The following TPGS1 variants were observed in gnomAD, a reference collection of about 807,000 sequenced individuals.
TPGS1 encodes the protein gene trap ROSA b-geo 22.
TPGS1 carries 18 observed loss-of-function variants against 11.9 expected under a neutral mutation model. That is an observed-to-expected ratio of 1.51 (90% CI 1.04 to 2.24). TPGS1 has a LOEUF of 2.24. TPGS1 is among the 30% of genes most tolerant of loss of function. The pLI, the probability that TPGS1 is intolerant of heterozygous loss-of-function variation, is 0.00. For missense variants in TPGS1, 500 were observed against 443.0 expected (o/e 1.13, Z -1.16); for synonymous variants, 247 against 218.2 (o/e 1.13, Z -1.16).
chr19:510,179 C>CT (rs1978744588), intron 1 of TPGS1: 1 of 152,060 alleles, frequency 6.6e-6, no homozygotes, highest in Admixed American at 6.6e-5. Flanking sequence ...CGAGACCATC[C>CT]TGGCTAACAC....
chr19:510,687 G>A (rs1353101242), intron 1 of TPGS1, among the ~76,000 whole-genome samples: 1 of 152,228 alleles, frequency 6.6e-6, no homozygotes. Context: ...GGGCAGAGCT[G>A]GGGTCAGAGA....
intron 1 of TPGS1, among the ~76,000 whole-genome samples, chr19:515,021 T>G (rs1359575356): frequency 6.6e-6 from 1 of 152,196 alleles, no homozygotes; most frequent in Non-Finnish European, 1.5e-5. Flanking sequence ...GCTGACAGCC[T>G]TCTTCTGTAA....
Position 507,744 on chromosome 19 carries a change from G to C in TPGS1, c.238G>C (p.Val80Leu). ...YFENMGLRSP[V>L]NGGAGEPPGQ... ...CGAGAACATGGGCCTGCGCTCGCCTGTAAACGGCGGCGCCGGGGAGCCCCC... is the reference window on the plus strand; with the variant it reads ...CGAGAACATGGGCCTGCGCTCGCCTCTAAACGGCGGCGCCGGGGAGCCCCC... The change falls in exon 1 of 2, where the codon GTA (valine) becomes CTA (leucine). Residue 80 changes from valine to leucine, a missense_variant. Val to Leu is a conservative substitution (Grantham distance 32). Transcript: ENST00000359315. The C allele has an allele frequency of 7.2e-7, 1 of 1,398,420 alleles. No individual in the cohort carries two copies. The highest frequency in any genetic ancestry group is 1.6e-5 in the South Asian group (1 of 63,550). The allele number at this position is 1,398,420 out of a possible 1,614,324, so 86.6% of individuals were successfully genotyped here. A position where few individuals can be genotyped will look rare whatever the true frequency, so the allele number is the denominator to read the frequency against.
At chr19:513,183 G>C (rs1366630280) in intron 1 of TPGS1, among the ~76,000 whole-genome samples, 1 of 152,238 alleles carries the variant, frequency 6.6e-6, no homozygotes, top group Non-Finnish European at 1.5e-5. Context: ...TGCGGCTCCT[G>C]CTGGGTCATG....
At chr19:513,665 T>A (rs74926915) in intron 1 of TPGS1, among the ~76,000 whole-genome samples, 1 of 36,774 alleles carries the variant, frequency 2.7e-5, no homozygotes, top group Non-Finnish European at 5.5e-5. Context: ...TACTGCATAC[T>A]GGCCCTGCAT....
intron 1 of TPGS1, among the ~76,000 whole-genome samples, chr19:518,467 G>C (rs1488068026): frequency 2.5e-5 from 3 of 118,456 alleles, no homozygotes; most frequent in East Asian, 2.6e-4. Flanking sequence ...CCAGGGCTGG[G>C]AGGGGGCTGA....
chr19:519,294 G>C lies in TPGS1; in HGVS notation c.744G>C (p.Gly248=), dbSNP rs914921803. 1.7e-6 allele frequency: 2 copies of C among 1,189,940 alleles called. No individual in the cohort carries two copies. The highest frequency in any genetic ancestry group is 2.1e-6 in the Non-Finnish European group (2 of 962,350). The allele number at this position is 1,189,940 out of a possible 1,614,324, so 73.7% of individuals were successfully genotyped here. Residue 248 remains glycine (G), a synonymous_variant, in exon 2 of 2, where the codon GGG becomes GGC. Coordinates refer to ENST00000359315, the MANE Select transcript of TPGS1 (RefSeq NM_033513.3). ...TCCTGGAGGCCGGCTCGCGCTTGGG[G>C]CCCGACAGCCTGGCGCTGGCGCTGG... ...ARFLEAGSRL[G]PDSLALALDR...
intron 1 of TPGS1, among the ~76,000 whole-genome samples, chr19:516,421 G>A (rs1247718238): frequency 6.9e-6 from 1 of 144,114 alleles, no homozygotes; most frequent in Non-Finnish European, 1.5e-5. Context: ...GTCTCGCTCT[G>A]TCGCCCAGGC....
At chr19:511,943 C>G (rs1357848824) in intron 1 of TPGS1, among the ~76,000 whole-genome samples, 1 of 152,170 alleles carries the variant, frequency 6.6e-6, no homozygotes, top group Non-Finnish European at 1.5e-5. Context: ...GCGATCTCGG[C>G]TCACTACAAG....
chr19:515,823 G>C (rs1445689636), intron 1 of TPGS1, among the ~76,000 whole-genome samples: 1 of 152,080 alleles, frequency 6.6e-6, no homozygotes, highest in Non-Finnish European at 1.5e-5. Flanking sequence ...ACGAGGTCAG[G>C]AGATCGAGAC....
At chr19:513,928 C>G (rs538466340) in intron 1 of TPGS1, among the ~76,000 whole-genome samples, 19 of 151,902 alleles carry the variant, frequency 1.3e-4, no homozygotes, top group African/African-American at 4.6e-4. Context: ...GTGCACTAGT[C>G]CTGCATTACT....
Position 507,636 on chromosome 19 carries a change from G to T in TPGS1, c.130G>T (p.Val44Leu), listed in dbSNP as rs1340227430. 7.2e-7 allele frequency: 1 copy of T among 1,393,510 alleles called. No homozygotes were observed. Among genetic ancestry groups the T allele is most frequent in the Non-Finnish European group, 9.4e-7 (1 of 1,059,560 alleles). 86.3% of individuals were successfully genotyped at this position (1,393,510 alleles called of 1,614,324 possible). A position where few individuals can be genotyped will look rare whatever the true frequency, so the allele number is the denominator to read the frequency against. Reference sequence around the variant, plus strand: ...GGAGGACTTCCTGCGGCAGGTCGGCGTGACGGAAATGCTACGTGCGGCCCT... The same window carrying T: ...GGAGGACTTCCTGCGGCAGGTCGGCTTGACGGAAATGCTACGTGCGGCCCT... Reference protein sequence around the residue: ...SEEDFLRQVGVTEMLRAALLK... With the variant: ...SEEDFLRQVGLTEMLRAALLK... Residue 44 changes from valine to leucine, a missense_variant, in exon 1 of 2, where the codon GTG (valine) becomes TTG (leucine). Transcript: ENST00000359315.
chr19:510,530 C>G (rs1978763233), intron 1 of TPGS1, among the ~76,000 whole-genome samples: 1 of 152,136 alleles, frequency 6.6e-6, no homozygotes, highest in South Asian at 2.1e-4. Flanking sequence ...CTGGCACCTT[C>G]TTTTGAGAAA....
chr19:519,288 C>G lies in TPGS1; in HGVS notation c.738C>G (p.Arg246=), dbSNP rs1353825229. 3.4e-6 allele frequency: 4 copies of G among 1,191,726 alleles called. No homozygotes were observed. The highest frequency in any genetic ancestry group is 1.6e-5 in the African/African-American group (1 of 62,214). The allele number at this position is 1,191,726 out of a possible 1,614,324, so 73.8% of individuals were successfully genotyped here. A position where few individuals can be genotyped will look rare whatever the true frequency, so the allele number is the denominator to read the frequency against. The change falls in exon 2 of 2, where the codon CGC becomes CGG. Residue 246 remains arginine (R), a synonymous_variant. Coordinates refer to ENST00000359315, the MANE Select transcript of TPGS1 (RefSeq NM_033513.3). ...CGCGCTTCCTGGAGGCCGGCTCGCG[C>G]TTGGGGCCCGACAGCCTGGCGCTGG... The part of the protein sequence containing the change: ...APARFLEAGS[R]LGPDSLALAL...
At position 507,753 on chromosome 19, in the gene TPGS1, G is replaced by C. The variant is rs2145829488; in HGVS notation, c.247G>C (p.Gly83Arg). ...NMGLRSPVNG[G>R]AGEPPGQLLL... ...GGGCCTGCGCTCGCCTGTAAACGGCGGCGCCGGGGAGCCCCCGGGCCAGCT... is the reference window on the plus strand; with the variant it reads ...GGGCCTGCGCTCGCCTGTAAACGGCCGCGCCGGGGAGCCCCCGGGCCAGCT... Residue 83 changes from glycine to arginine, a missense_variant, in exon 1 of 2, where the codon GGC (glycine) becomes CGC (arginine). Coordinates refer to ENST00000359315, the MANE Select transcript of TPGS1 (RefSeq NM_033513.3). 7.2e-7 allele frequency: 1 copy of C among 1,397,678 alleles called. No homozygotes were observed. The highest frequency in any genetic ancestry group is 3.0e-5 in the East Asian group (1 of 33,408). 86.6% of individuals were successfully genotyped at this position (1,397,678 alleles called of 1,614,324 possible).
intron 1 of TPGS1, among the ~76,000 whole-genome samples, chr19:516,510 G>C (rs1270532343): frequency 6.6e-6 from 1 of 151,490 alleles, no homozygotes; most frequent in East Asian, 2.0e-4. Context: ...TCAGACTCCC[G>C]AGTAGCTGGG....
In TPGS1 at chr19:519,497, C is replaced by T; in HGVS notation, c.*74C>T. Reference sequence around the variant, plus strand: ...TGCGGGGCGCGCGGAGCCTTCCCTTCGCCCTGGTGAGGCCCTGCCATAACC... The same window carrying T: ...TGCGGGGCGCGCGGAGCCTTCCCTTTGCCCTGGTGAGGCCCTGCCATAACC... On this transcript the variant is annotated 3_prime_UTR_variant, in exon 2 of 2. Coordinates refer to ENST00000359315, the MANE Select transcript of TPGS1 (RefSeq NM_033513.3). 1.7e-6 allele frequency: 2 copies of T among 1,146,902 alleles called. No individual in the cohort carries two copies. Among genetic ancestry groups the T allele is most frequent in the South Asian group, 4.3e-5 (1 of 23,132 alleles). 71.0% of individuals were successfully genotyped at this position (1,146,902 alleles called of 1,614,324 possible). A position where few individuals can be genotyped will look rare whatever the true frequency, so the allele number is the denominator to read the frequency against.
At chr19:512,249 G>C (rs1211004815) in intron 1 of TPGS1, among the ~76,000 whole-genome samples, 1 of 152,068 alleles carries the variant, frequency 6.6e-6, no homozygotes, top group Non-Finnish European at 1.5e-5. Flanking sequence ...CTGCAGCCTC[G>C]ACCGCCTGGG....
At chr19:518,746 C>CGGGGGGAGGCA in intron 1 of TPGS1, 143 bp from the exon 2 acceptor site, 1 of 802,950 alleles carries the variant, frequency 1.2e-6, no homozygotes, top group Non-Finnish European at 1.7e-6. Context: ...GAGGGGAGGC[C>CGGGGGGAGGCA]GGGGATGGGG....
Sources: gnomAD v4.1 joint callset for allele counts (sites outside exome capture counted in the v4.1 genomes callset) on GRCh38, gnomAD v4.1.1 for gene constraint, MANE v1.5 for transcripts, NCBI Gene and HGNC (gene_info 2026-07-23, HGNC 2026-07-21) for gene names.